SIMC1: variants seen among roughly 807,000 people sequenced by gnomAD.
SIMC1 encodes SUMO interacting motifs containing 1.
A neutral mutation model predicts 82.3 loss-of-function variants in SIMC1; 55 were observed. That is an observed-to-expected ratio of 0.67 (90% CI 0.54 to 0.84). The LOEUF (loss-of-function observed/expected upper bound fraction) is 0.84. Among genes scored for constraint, SIMC1 ranks in the 40% least tolerant of loss-of-function variants. SIMC1 has a pLI of 0.00. For synonymous variants in SIMC1, 353 were observed against 426.3 expected, an observed-to-expected ratio of 0.83 and a Z score of 2.12; for missense variants, 915 against 1,107.2, an observed-to-expected ratio of 0.83 and a Z score of 2.46.
At chr5:176,249,530 T>G (rs1196080897) in intron 1 of SIMC1, among the ~76,000 whole-genome samples, 1 of 151,972 alleles carries the variant, frequency 6.6e-6, no homozygotes, top group Non-Finnish European at 1.5e-5. Context: ...TCTATCTATG[T>G]TGTTAATCTT....
chr5:176,310,024 G>T (rs998657666), intron 4 of SIMC1, among the ~76,000 whole-genome samples: 2 of 152,098 alleles, frequency 1.3e-5, no homozygotes, highest in African/African-American at 4.8e-5. Flanking sequence ...CACTGAAGAG[G>T]ATCTATAGAT....
intron 1 of SIMC1, chr5:176,263,461 C>G: frequency 6.5e-7 from 1 of 1,546,596 alleles, no homozygotes; most frequent in South Asian, 1.2e-5. Flanking sequence ...TGGTGAGGAC[C>G]TCAGGAAGCT....
chr5:176,345,417 C>T lies in SIMC1; in HGVS notation c.2648C>T (p.Pro883Leu), dbSNP rs750469353. The change falls in exon 10 of 10, where the codon CCC becomes CTC. Residue 883 changes from proline (P) to leucine (L), a missense_variant. This residue lies in a region of SIMC1 where 902 missense variants were observed against 1,040.3 expected (regional missense o/e 0.87). Transcript: ENST00000429602. The stretch of plus-strand genomic sequence containing the variant: ...GCGGACTTGAACCCTGATGCAGAGC[C>T]CTTTCAAAAGGGCTGGAGCGGCTCC... The part of the protein sequence containing the change: ...YAADLNPDAE[P>L]FQKGWSGS The T allele has an allele frequency of 1.4e-5, 22 of 1,613,708 alleles. No homozygotes were observed. Among genetic ancestry groups the T allele is most frequent in the Admixed American group, 5.0e-5 (3 of 59,960 alleles).
intron 2 of SIMC1, among the ~76,000 whole-genome samples, chr5:176,294,310 C>T (rs1238297666): frequency 4.6e-5 from 7 of 151,934 alleles, no homozygotes; most frequent in East Asian, 1.9e-4. Context: ...TTTGGAGTCT[C>T]GCTCTGTCAC....
At chr5:176,273,051 AATGTCCCT>A (rs1174134617) in intron 1 of SIMC1, among the ~76,000 whole-genome samples, 1 of 152,234 alleles carries the variant, frequency 6.6e-6, no homozygotes, top group Non-Finnish European at 1.5e-5. Context: ...TGCAGACTTA[AATGTCCCT>A]ATCTGACAGC....
intron 1 of SIMC1, among the ~76,000 whole-genome samples, chr5:176,276,293 G>A (rs750593299): frequency 1.3e-5 from 2 of 151,486 alleles, no homozygotes; most frequent in Non-Finnish European, 2.9e-5. Context: ...ATGGTAGTTT[G>A]TATTTCTTTG....
rs75377911 is a variant in SIMC1, at chr5:176,305,641, C to G, written c.1735-8050C>G. ...CTGGGAGGTGAGGGGCGCCTCTGCC[C>G]GGCTGCCCCTACTGGGAAGTGAGGA... On this transcript the variant is annotated intron_variant, in intron 4 of 9. Transcript: ENST00000429602. Among the ~76,000 whole-genome samples the G allele has an allele frequency of 3.7e-5, 5 of 135,514 alleles. No homozygotes were observed. In the South Asian group the frequency reaches 1.2e-3, roughly 31 times the overall value. The allele number at this position is 135,514 out of a possible 152,430, so 88.9% of individuals were successfully genotyped here.
chr5:176,331,535 G>A (rs1297709166), intron 7 of SIMC1, among the ~76,000 whole-genome samples: 1 of 150,972 alleles, frequency 6.6e-6, no homozygotes, highest in Admixed American at 6.6e-5. Flanking sequence ...GGCTGGTCTC[G>A]AACTCCTGTC....
intron 1 of SIMC1, among the ~76,000 whole-genome samples, chr5:176,263,248 A>T (rs1762076747): frequency 6.6e-6 from 1 of 152,236 alleles, no homozygotes; most frequent in South Asian, 2.1e-4. Context: ...TCCCAATCGA[A>T]ATCCCAGCAA....
Position 176,324,678 on chromosome 5 carries a change from A to G in SIMC1, c.2092A>G (p.Arg698Gly). 1 of 1,609,366 alleles carries G rather than the reference A, an allele frequency of 6.2e-7. No homozygotes were observed. The highest frequency in any genetic ancestry group is 8.5e-7 in the Non-Finnish European group (1 of 1,177,782). Residue 698 changes from arginine (R) to glycine (G), a missense_variant, in exon 7 of 10, where the codon AGG becomes GGG. Arg to Gly is a moderately radical substitution (Grantham distance 125). Transcript: ENST00000429602. Reference sequence around the variant, plus strand: ...GCTCTCCATAGCCGTAGAGGTGGACAGGACCCCCACCTGCAGCTCCAATAA... The same window carrying G: ...GCTCTCCATAGCCGTAGAGGTGGACGGGACCCCCACCTGCAGCTCCAATAA... ...RMLSIAVEVD[R>G]TPTCSSNKIA...
chr5:176,335,682 GT>G (rs1309190290), intron 7 of SIMC1, among the ~76,000 whole-genome samples: 1 of 152,034 alleles, frequency 6.6e-6, no homozygotes, highest in Non-Finnish European at 1.5e-5. Flanking sequence ...AGATCTCTGA[GT>G]TTACCATCTG....
intron 4 of SIMC1, chr5:176,304,187 A>G (rs113721744): frequency 0.023 from 2,264 of 98,394 alleles, 21 homozygotes; most frequent in Non-Finnish European, 0.032. Context: ...ATGAGGGTTA[A>G]TATCCAGAAT....
chr5:176,338,480 C>T (rs890777039), intron 9 of SIMC1, among the ~76,000 whole-genome samples: 2 of 152,190 alleles, frequency 1.3e-5, no homozygotes, highest in Admixed American at 6.5e-5. Flanking sequence ...GTACATTGTT[C>T]GGACAATTGG....
At chr5:176,324,792 T>A (rs750776958) in intron 7 of SIMC1, 35 bp downstream of exon 7, 94 of 1,355,426 alleles carry the variant, frequency 6.9e-5, no homozygotes, top group South Asian at 1.2e-4. Flanking sequence ...AGCAGTTATT[T>A]AAAAAAAAAA....
chr5:176,252,294 G>C (rs1254611578), intron 1 of SIMC1, among the ~76,000 whole-genome samples: 3 of 151,998 alleles, frequency 2.0e-5, no homozygotes, highest in African/African-American at 7.2e-5. Context: ...CGGACGTGGT[G>C]GCTGCCGGGC....
At chr5:176,273,579 G>A (rs988435670) in intron 1 of SIMC1, among the ~76,000 whole-genome samples, 3 of 152,126 alleles carry the variant, frequency 2.0e-5, no homozygotes, top group Non-Finnish European at 2.9e-5. Context: ...ATGTATACAT[G>A]TGACATGCTG....
At chr5:176,241,945 C>T (rs892587671) in intron 1 of SIMC1, among the ~76,000 whole-genome samples, 2 of 151,996 alleles carry the variant, frequency 1.3e-5, no homozygotes, top group Non-Finnish European at 2.9e-5. Context: ...CATGACTTTT[C>T]TCTGTTTCTT....
chr5:176,317,721 C>A (rs1159628426), intron 5 of SIMC1, among the ~76,000 whole-genome samples: 1 of 152,088 alleles, frequency 6.6e-6, no homozygotes, highest in African/African-American at 2.4e-5. Context: ...TCATTCATAT[C>A]TTTTTGTTTT....
chr5:176,315,697 CAAG>C (rs1764870526), intron 5 of SIMC1, among the ~76,000 whole-genome samples: 1 of 152,132 alleles, frequency 6.6e-6, no homozygotes, highest in South Asian at 2.1e-4. Flanking sequence ...CCTCTAATAA[CAAG>C]GAGGACGTTT....
Sources: allele counts gnomAD v4.1 joint callset (sites outside exome capture counted in the v4.1 genomes callset), GRCh38; gene constraint gnomAD v4.1.1; regional missense constraint gnomAD v4.1.1; transcripts MANE v1.5; gene names NCBI Gene and HGNC (gene_info 2026-07-23, HGNC 2026-07-21).